CAST: variants seen among roughly 807,000 people sequenced by gnomAD.
The protein encoded by CAST is calpastatin.
Under a neutral mutation model 119.6 loss-of-function variants are expected in CAST, and 76 were observed. The ratio of observed to expected loss-of-function variants is 0.64; its 90% CI spans 0.53 to 0.77. CAST has a LOEUF of 0.77. Among genes scored for constraint, CAST ranks in the 30% least tolerant of loss-of-function variants. The pLI is 0.00. For missense variants in CAST, 953 were observed against 946.5 expected (o/e 1.01, Z -0.09); for synonymous variants, 319 against 331.6 (o/e 0.96, Z 0.41).
the CAST span, among the ~76,000 whole-genome samples, chr5:96,062,540 A>G: frequency 1.3e-5 from 2 of 152,170 alleles, no homozygotes; most frequent in Non-Finnish European, 2.9e-5. Context: ...TTCTCAGAAG[A>G]TGAACACTTT....
At chr5:96,035,632 G>T in the CAST span, among the ~76,000 whole-genome samples, 1 of 151,914 alleles carries the variant, frequency 6.6e-6, no homozygotes, top group Non-Finnish European at 1.5e-5. Flanking sequence ...GGGGGAATTG[G>T]GGTGGGATGA....
chr5:96,291,883 T>TGTGTGG, the CAST span, among the ~76,000 whole-genome samples: 4 of 149,434 alleles, frequency 2.7e-5, no homozygotes, highest in Admixed American at 6.6e-5. Context: ...TGTGTGTGTG[T>TGTGTGG]GTGGTGGGGA....
rs1746370956 is a variant in CAST at position 96,561,796 on chromosome 5, G to GTTTTTTGTTTTTT, written c.60+31922_60+31923insGTTTTTTTTTTTT. Among the ~76,000 whole-genome samples the GTTTTTTGTTTTTT allele has an allele frequency of 2.1e-5, 2 of 97,422 alleles. 1 individual carries two copies. Among genetic ancestry groups the GTTTTTTGTTTTTT allele is most frequent in the African/African-American group, 7.7e-5 (2 of 26,002 alleles). The allele number at this position is 97,422 out of a possible 152,430, so 63.9% of individuals were successfully genotyped here. Reference sequence around the variant, plus strand: ...GTGTATTATATATATGTTTTTTTTTGTTTTTTTTTTTTTTGAGACGGAGTC... The same window carrying GTTTTTTGTTTTTT: ...GTGTATTATATATATGTTTTTTTTTGTTTTTTGTTTTTTTTTTTTTTTTTTTTGAGACGGAGTC... On this transcript the variant is annotated intron_variant, in intron 1 of 11. Coordinates refer to the CAST transcript ENST00000505143.
chr5:96,770,532 A>G lies in CAST; in HGVS notation c.2270A>G (p.Asp757Gly). Residue 757 changes from aspartate to glycine, a missense_variant and splice_region_variant, in exon 30 of 32, where the codon GAT becomes GGT. Coordinates refer to ENST00000675179, the MANE Select transcript of CAST (RefSeq NM_001750.7). Reference sequence around the variant, plus strand: ...CTCATTACATTTCCTTTGCTTTAGGATAAGTGCAAGAAGGCTGCTTCCAGC... The same window carrying G: ...CTCATTACATTTCCTTTGCTTTAGGGTAAGTGCAAGAAGGCTGCTTCCAGC... ...TTETSQNTAK[D>G]KCKKAASSSK... 2 of 1,609,818 alleles carry G rather than the reference A, an allele frequency of 1.2e-6. No homozygotes were observed. Among genetic ancestry groups the G allele is most frequent in the Non-Finnish European group, 1.7e-6 (2 of 1,176,312 alleles).
the CAST span, among the ~76,000 whole-genome samples, chr5:96,187,837 T>C: frequency 6.6e-6 from 1 of 152,258 alleles, no homozygotes; most frequent in Non-Finnish European, 1.5e-5. Flanking sequence ...GATAGAGCTT[T>C]CTTGACTGAC....
chr5:96,021,003 T>A, the CAST span, among the ~76,000 whole-genome samples: 210 of 152,256 alleles, frequency 1.4e-3, no homozygotes, highest in African/African-American at 4.9e-3. Context: ...CTAAGATTAG[T>A]CAGAAATTTA....
chr5:96,224,887 A>T, the CAST span, among the ~76,000 whole-genome samples: 1 of 152,182 alleles, frequency 6.6e-6, no homozygotes, highest in Non-Finnish European at 1.5e-5. Flanking sequence ...AGGATTCAAG[A>T]TTTACTCTGA....
At chr5:96,494,925 G>A in the CAST span, among the ~76,000 whole-genome samples, 1 of 151,996 alleles carries the variant, frequency 6.6e-6, no homozygotes, top group African/African-American at 2.4e-5. Context: ...AGACCATCCT[G>A]GCTAACACAG....
chr5:96,337,744 C>A, the CAST span, among the ~76,000 whole-genome samples: 3 of 152,198 alleles, frequency 2.0e-5, no homozygotes, highest in Non-Finnish European at 4.4e-5. Context: ...AATCCAGCAA[C>A]CTGAACCTTT....
the CAST span, among the ~76,000 whole-genome samples, chr5:96,465,165 T>C: frequency 2.0e-5 from 3 of 152,056 alleles, no homozygotes; most frequent in African/African-American, 7.2e-5. Context: ...TATTTTATAA[T>C]AGTGTAAATG....
chr5:96,375,450 G>A, the CAST span, among the ~76,000 whole-genome samples: 1 of 149,644 alleles, frequency 6.7e-6, no homozygotes, highest in Non-Finnish European at 1.5e-5. Context: ...TTTTTACTAT[G>A]CACATGAGTT....
At chr5:96,203,177 C>T in the CAST span, among the ~76,000 whole-genome samples, 6,392 of 151,804 alleles carry the variant, frequency 0.042, 464 homozygotes, top group African/African-American at 0.15. Flanking sequence ...ATCGTGATCA[C>T]CTTTCCACAT....
the CAST span, among the ~76,000 whole-genome samples, chr5:96,267,957 T>C: frequency 3.9e-5 from 6 of 152,304 alleles, no homozygotes; most frequent in Middle Eastern, 3.4e-3. Flanking sequence ...GGTTTCTTCC[T>C]TTTTTCTCTG....
the CAST span, among the ~76,000 whole-genome samples, chr5:96,479,849 G>A: frequency 1.3e-5 from 2 of 152,068 alleles, no homozygotes; most frequent in Non-Finnish European, 2.9e-5. Context: ...AAATACAGCT[G>A]AGGCCTAAAG....
chr5:96,042,648 T>C, the CAST span, among the ~76,000 whole-genome samples: 10 of 152,168 alleles, frequency 6.6e-5, no homozygotes, highest in African/African-American at 2.2e-4. Flanking sequence ...ATGATTATCA[T>C]AGTAAAAAGT....
At chr5:96,392,781 G>A in the CAST span, 1 of 596,798 alleles carries the variant, frequency 1.7e-6, no homozygotes, top group Non-Finnish European at 3.0e-6. Context: ...GTGCAGACAG[G>A]AAAGATGTGT....
At chr5:96,369,565 T>C in the CAST span, among the ~76,000 whole-genome samples, 1 of 152,166 alleles carries the variant, frequency 6.6e-6, no homozygotes, top group African/African-American at 2.4e-5. Context: ...AAGCCAAAGG[T>C]AATTCCTTTA....
the CAST span, among the ~76,000 whole-genome samples, chr5:96,198,990 A>C: frequency 6.6e-6 from 1 of 152,168 alleles, no homozygotes; most frequent in East Asian, 1.9e-4. Context: ...ACTTAAACAC[A>C]GAAGAGGTGA....
At chr5:96,540,532 A>G (rs907280838) in intron 1 of CAST, among the ~76,000 whole-genome samples, 1 of 152,214 alleles carries the variant, frequency 6.6e-6, no homozygotes, top group African/African-American at 2.4e-5. Flanking sequence ...CAGTTTCTCT[A>G]TTATTAACAT....
Sources: gnomAD v4.1 joint callset for allele counts (sites outside exome capture counted in the v4.1 genomes callset) on GRCh38, gnomAD v4.1.1 for gene constraint, MANE v1.5 for transcripts, NCBI Gene and HGNC (gene_info 2026-07-23, HGNC 2026-07-21) for gene names.